Variants in GSK3B observed in about 807,000 individuals in gnomAD.
GSK3B encodes glycogen synthase kinase 3 beta, also known as glycogen synthase kinase-3 beta.
GSK3B carries 15 observed loss-of-function variants against 56.4 expected under a neutral mutation model. The observed-to-expected ratio is 0.27, with a 90% CI of 0.18 to 0.41. The LOEUF is 0.41. Ranked by LOEUF, GSK3B falls within the 10% of genes least tolerant of loss-of-function variation. The pLI is 1.00. For synonymous variants in GSK3B, 181 were observed against 188.9 expected, an observed-to-expected ratio of 0.96 and a Z score of 0.34; for missense variants, 300 against 513.4, an observed-to-expected ratio of 0.58 and a Z score of 4.02.
intron 2 of GSK3B, among the ~76,000 whole-genome samples, chr3:119,949,793 CAAAAAA>C (rs927567102): frequency 3.5e-4 from 22 of 62,348 alleles, no homozygotes; most frequent in African/African-American, 1.1e-3. Flanking sequence ...GACTCCGTCT[CAAAAAA>C]AAAAAAAAAA....
chr3:120,060,362 C>T (rs1035391218), intron 1 of GSK3B, among the ~76,000 whole-genome samples: 1 of 152,040 alleles, frequency 6.6e-6, no homozygotes, highest in Admixed American at 6.6e-5. Context: ...GGTATTAGAC[C>T]TAGACAGACC....
intron 2 of GSK3B, among the ~76,000 whole-genome samples, chr3:119,956,361 T>C (rs1270222125): frequency 5.9e-5 from 9 of 152,196 alleles, no homozygotes; most frequent in Non-Finnish European, 1.3e-4. Flanking sequence ...TAGGAGAGTA[T>C]ATATTATTGC....
At position 119,927,069 on chromosome 3, in the gene GSK3B, A is replaced by C. The variant is rs1479575158; in HGVS notation, c.367-3586T>G. ...TTTATTCACTGCTCTATCTCCATGT[A>C]GAATAGTGCCTAGCACACAGTAGGT... On this transcript the variant is annotated intron_variant, in intron 3 of 10. Coordinates refer to ENST00000264235, the MANE Select transcript of GSK3B (RefSeq NM_001146156.2). Among the ~76,000 whole-genome samples the C allele has an allele frequency of 2.0e-5, 3 of 152,230 alleles. No homozygotes were observed. In the South Asian group the frequency reaches 6.2e-4, roughly 32 times the overall value.
chr3:119,833,639 C>G (rs907177522), intron 10 of GSK3B, among the ~76,000 whole-genome samples: 3 of 149,712 alleles, frequency 2.0e-5, no homozygotes, highest in South Asian at 4.2e-4. Flanking sequence ...ATCAAATGAG[C>G]CTTTTTGTGT....
intron 2 of GSK3B, among the ~76,000 whole-genome samples, chr3:119,949,249 C>T (rs2057131222): frequency 6.6e-6 from 1 of 152,104 alleles, no homozygotes; most frequent in East Asian, 1.9e-4. Context: ...ATAAGTGAAG[C>T]AAGAACAAGG....
At chr3:119,964,387 A>C (rs926446570) in intron 2 of GSK3B, among the ~76,000 whole-genome samples, 2 of 152,254 alleles carry the variant, frequency 1.3e-5, no homozygotes, top group African/African-American at 4.8e-5. Flanking sequence ...ATTGATAAGA[A>C]AAATGTGGTA....
intron 8 of GSK3B, among the ~76,000 whole-genome samples, chr3:119,865,448 ATATATATATATATATATATTTTTT>A (rs2056164937): frequency 5.9e-5 from 1 of 17,004 alleles, no homozygotes; most frequent in African/African-American, 1.2e-4. Flanking sequence ...ATATATATAT[ATATATATATATATATATATTTTTT>A]TTTTTTTTTT....
intron 1 of GSK3B, among the ~76,000 whole-genome samples, chr3:120,011,070 T>C (rs1425010872): frequency 1.3e-5 from 2 of 152,080 alleles, no homozygotes; most frequent in Non-Finnish European, 2.9e-5. Flanking sequence ...CCATTTCCAA[T>C]AACAGCAACA....
At chr3:119,965,038 C>CTTTTTTTTTTTTTTTTTT (rs573903125) in intron 2 of GSK3B, among the ~76,000 whole-genome samples, 2 of 125,652 alleles carry the variant, frequency 1.6e-5, no homozygotes, top group Non-Finnish European at 3.4e-5. Context: ...ATTATGTTTT[C>CTTTTTTTTTTTTTTTTTT]TTTTTTTTTT....
chr3:119,947,711 C>T (rs2057113734), intron 2 of GSK3B, among the ~76,000 whole-genome samples: 1 of 151,724 alleles, frequency 6.6e-6, no homozygotes, highest in Non-Finnish European at 1.5e-5. Flanking sequence ...AAACAACAGT[C>T]TCCCATGAAT....
chr3:119,866,571 A>G, intron 8 of GSK3B: 2 of 1,580,028 alleles, frequency 1.3e-6, no homozygotes, highest in Non-Finnish European at 8.7e-7. Flanking sequence ...ATTTTGGGAA[A>G]AAAAAATTAA....
At chr3:120,065,649 C>G (rs1559897884) in intron 1 of GSK3B, among the ~76,000 whole-genome samples, 1 of 152,152 alleles carries the variant, frequency 6.6e-6, no homozygotes, top group Non-Finnish European at 1.5e-5. Context: ...CAAACAAAAA[C>G]TTGTACACAA....
intron 9 of GSK3B, among the ~76,000 whole-genome samples, chr3:119,848,884 T>G (rs188849381): frequency 2.6e-5 from 4 of 152,274 alleles, no homozygotes; most frequent in African/African-American, 9.6e-5. Flanking sequence ...CATCAAATAG[T>G]CTTGCCTGGG....
At chr3:119,951,672 A>T (rs2057158683) in intron 2 of GSK3B, among the ~76,000 whole-genome samples, 1 of 152,148 alleles carries the variant, frequency 6.6e-6, no homozygotes, top group Non-Finnish European at 1.5e-5. Context: ...TTGACCTATA[A>T]TCAGGTTAAA....
intron 2 of GSK3B, among the ~76,000 whole-genome samples, chr3:119,992,501 T>C (rs1483490338): frequency 3.9e-5 from 6 of 152,046 alleles, no homozygotes; most frequent in Non-Finnish European, 7.4e-5. Flanking sequence ...AACTGAACCC[T>C]GATAACTACT....
chr3:120,025,908 A>G (rs2057918992), intron 1 of GSK3B, among the ~76,000 whole-genome samples: 1 of 152,174 alleles, frequency 6.6e-6, no homozygotes, highest in African/African-American at 2.4e-5. Flanking sequence ...TTTAGGCCTT[A>G]GTTTCCCTAT....
At chr3:120,037,534 A>G (rs2058033075) in intron 1 of GSK3B, among the ~76,000 whole-genome samples, 1 of 152,318 alleles carries the variant, frequency 6.6e-6, no homozygotes, top group East Asian at 1.9e-4. Flanking sequence ...AGTGTGTAAT[A>G]CGTCATATGC....
chr3:119,860,051 G>A (rs2056080256), intron 9 of GSK3B, among the ~76,000 whole-genome samples: 1 of 152,168 alleles, frequency 6.6e-6, no homozygotes, highest in Admixed American at 6.6e-5. Flanking sequence ...GGAGGACAAT[G>A]TTTACTAAAT....
intron 2 of GSK3B, among the ~76,000 whole-genome samples, chr3:119,948,469 C>T (rs1057361868): frequency 1.3e-5 from 2 of 152,152 alleles, no homozygotes; most frequent in African/African-American, 2.4e-5. Flanking sequence ...TATAAGATAT[C>T]AATCTTTCAT....
Sources: allele counts gnomAD v4.1 joint callset (sites outside exome capture counted in the v4.1 genomes callset), GRCh38; gene constraint gnomAD v4.1.1; transcripts MANE v1.5; gene names NCBI Gene and HGNC (gene_info 2026-07-23, HGNC 2026-07-21).